Variants in DOCK11 observed in about 807,000 individuals in gnomAD.
DOCK11 encodes dedicator of cytokinesis 11.
In DOCK11, 70 loss-of-function variants were observed where a neutral mutation model predicts 169.1. The observed-to-expected ratio is 0.41, with a 90% CI of 0.34 to 0.51. The LOEUF is 0.51. DOCK11 is among the 20% of genes least tolerant of loss of function. The probability of loss-of-function intolerance (pLI) is 0.10; values close to 1 mark genes in which losing one functional copy is unlikely to be tolerated. For missense variants in DOCK11, 1,166 were observed against 1,538.8 expected (o/e 0.76, Z 4.05); for synonymous variants, 529 against 541.3 (o/e 0.98, Z 0.32).
rs768866204 is a variant in DOCK11, at chrX:118,534,503, T to A, written c.103-8222T>A. ...ATAATTCGGCAGTTAAAACAATTTCTTCCCTATGCTAAAACTCTAAGGGAA... is the reference window on the plus strand; with the variant it reads ...ATAATTCGGCAGTTAAAACAATTTCATCCCTATGCTAAAACTCTAAGGGAA... On this transcript the variant is annotated intron_variant, in intron 1 of 52. Coordinates refer to ENST00000276202, the MANE Select transcript of DOCK11 (RefSeq NM_144658.4). Among the ~76,000 whole-genome samples the A allele has an allele frequency of 5.6e-4, 63 of 112,498 alleles. 1 individual carries two copies. Among genetic ancestry groups the A allele is most frequent in the African/African-American group, 1.8e-3 (55 of 30,990 alleles).
intron 1 of DOCK11, among the ~76,000 whole-genome samples, chrX:118,513,904 A>T (rs750237134): frequency 1.4e-4 from 16 of 111,469 alleles, no homozygotes; most frequent in South Asian, 7.6e-4. Context: ...TACCAGGTGC[A>T]GTTGAGTAGG....
chrX:118,498,622 A>G (rs749990604), intron 1 of DOCK11, among the ~76,000 whole-genome samples: 12 of 112,021 alleles, frequency 1.1e-4, no homozygotes, highest in Non-Finnish European at 1.1e-4. Flanking sequence ...TATAAACCCA[A>G]GATACTCACA....
Position 118,585,093 on chromosome X carries a change from G to A in DOCK11, c.1771G>A (p.Glu591Lys). Residue 591 changes from glutamate (E) to lysine (K), a missense_variant, in exon 16 of 53, where the codon GAA becomes AAA. Transcript: ENST00000276202. Reference sequence around the variant, plus strand: ...TCCTGGGCAGCTAAACATCACAGTAGAATGTGTTCCTGTGGATTTATCAAG... The same window carrying A: ...TCCTGGGCAGCTAAACATCACAGTAAAATGTGTTCCTGTGGATTTATCAAG... ...IIPGQLNITVECVPVDLSNCI... is the reference protein window; with the variant it reads ...IIPGQLNITVKCVPVDLSNCI... The A allele has an allele frequency of 8.3e-7, 1 of 1,208,249 alleles. No individual in the cohort carries two copies. The highest frequency in any genetic ancestry group is 1.8e-5 in the South Asian group (1 of 56,812).
intron 34 of DOCK11, 133 bp from the exon 35 acceptor site, chrX:118,630,246 C>A: frequency 2.3e-6 from 1 of 438,147 alleles, no homozygotes; most frequent in Non-Finnish European, 4.1e-6. Flanking sequence ...CATTCACCTT[C>A]AAGTTGTGAT....
At chrX:118,612,893 G>A (rs1009581993) in intron 28 of DOCK11, among the ~76,000 whole-genome samples, 2 of 112,283 alleles carry the variant, frequency 1.8e-5, no homozygotes, top group Non-Finnish European at 3.8e-5. Flanking sequence ...TGATTCATAT[G>A]CAATGGAGTA....
chrX:118,567,200 C>T (rs1199763039), intron 9 of DOCK11, among the ~76,000 whole-genome samples: 4 of 111,446 alleles, frequency 3.6e-5, no homozygotes, highest in Non-Finnish European at 7.5e-5. Context: ...TATCTTACCA[C>T]GATACTGTAT....
chrX:118,523,616 C>T (rs1377326368), intron 1 of DOCK11, among the ~76,000 whole-genome samples: 1 of 112,061 alleles, frequency 8.9e-6, no homozygotes, highest in East Asian at 2.8e-4. Context: ...TTCAGCCTCA[C>T]GATAGTCCTG....
intron 39 of DOCK11, among the ~76,000 whole-genome samples, chrX:118,641,582 C>A (rs980854542): frequency 4.5e-5 from 5 of 111,466 alleles, no homozygotes; most frequent in African/African-American, 1.6e-4. Flanking sequence ...AGTTTCCATA[C>A]TTTAAGTAGC....
intron 39 of DOCK11, among the ~76,000 whole-genome samples, chrX:118,642,381 G>A (rs906055680): frequency 4.5e-5 from 5 of 111,906 alleles, no homozygotes; most frequent in South Asian, 3.7e-4. Context: ...ATTGGATTGC[G>A]GTGGTCACCC....
chrX:118,502,773 C>A (rs901490934), intron 1 of DOCK11, among the ~76,000 whole-genome samples: 2 of 106,252 alleles, frequency 1.9e-5, no homozygotes, highest in Non-Finnish European at 4.0e-5. Flanking sequence ...ACAAAACAAA[C>A]AAACAAACAA....
At chrX:118,629,638 C>T (rs1413591301) in intron 34 of DOCK11, among the ~76,000 whole-genome samples, 1 of 109,270 alleles carries the variant, frequency 9.2e-6, no homozygotes, top group Non-Finnish European at 1.9e-5. Context: ...ATATAATTAG[C>T]CCATTTTTTA....
chrX:118,681,013 A>G, intron 49 of DOCK11, 45 bp from the exon 50 acceptor site: 1 of 1,083,418 alleles, frequency 9.2e-7, no homozygotes, highest in South Asian at 2.4e-5. Flanking sequence ...CTGTTTGAAC[A>G]AATGATTTTC....
At chrX:118,504,053 C>T (rs944238731) in intron 1 of DOCK11, among the ~76,000 whole-genome samples, 1 of 110,674 alleles carries the variant, frequency 9.0e-6, no homozygotes, top group Non-Finnish European at 1.9e-5. Context: ...TTAAGGGAGA[C>T]TAGAAGTACG....
chrX:118,671,927 C>T (rs2016484618), intron 46 of DOCK11, among the ~76,000 whole-genome samples: 1 of 112,614 alleles, frequency 8.9e-6, no homozygotes, highest in Admixed American at 9.4e-5. Context: ...GATCCTCCGG[C>T]CTTAGCTTCT....
At chrX:118,634,656 A>C (rs1283614840) in intron 35 of DOCK11, among the ~76,000 whole-genome samples, 4 of 112,760 alleles carry the variant, frequency 3.5e-5, no homozygotes, top group East Asian at 2.8e-4. Flanking sequence ...GGGGGAACCC[A>C]AGCTTCTGTG....
chrX:118,585,703 T>A (rs1204444231), intron 16 of DOCK11, among the ~76,000 whole-genome samples: 3 of 109,226 alleles, frequency 2.7e-5, no homozygotes, highest in Non-Finnish European at 5.7e-5. Flanking sequence ...ATATACGAAG[T>A]TGTGAGTGTG....
intron 1 of DOCK11, among the ~76,000 whole-genome samples, chrX:118,498,929 A>G (rs779659544): frequency 3.6e-5 from 4 of 111,716 alleles, no homozygotes; most frequent in Non-Finnish European, 7.5e-5. Context: ...CCACGAATCT[A>G]TTAACTAACT....
At chrX:118,539,262 G>A (rs1212431375) in intron 1 of DOCK11, among the ~76,000 whole-genome samples, 1 of 112,358 alleles carries the variant, frequency 8.9e-6, no homozygotes, top group Non-Finnish European at 1.9e-5. Flanking sequence ...TTCATTTTTA[G>A]AAGGTATATA....
intron 35 of DOCK11, chrX:118,632,359 AAT>A (rs1041669514): frequency 1.8e-4 from 20 of 111,975 alleles, no homozygotes; most frequent in African/African-American, 6.5e-4. Context: ...AGTCTTTGTT[AAT>A]TAGGTTTTGT....
Sources: allele counts gnomAD v4.1 joint callset (sites outside exome capture counted in the v4.1 genomes callset), GRCh38; gene constraint gnomAD v4.1.1; transcripts MANE v1.5; gene names NCBI Gene and HGNC (gene_info 2026-07-23, HGNC 2026-07-21).